Variants in HLA-DMB observed in about 807,000 individuals in gnomAD.
HLA-DMB encodes the protein major histocompatibility complex, class II, DM beta.
A neutral mutation model predicts 29.3 loss-of-function variants in HLA-DMB; 18 were observed. The ratio of observed to expected loss-of-function variants is 0.62; its 90% confidence interval spans 0.43 to 0.91. The LOEUF is 0.91. HLA-DMB is among the 40% of genes least tolerant of loss of function. The pLI is 0.00. For synonymous variants in HLA-DMB, 143 were observed against 128.7 expected (o/e 1.11, Z -0.75); for missense variants, 258 against 320.9 (o/e 0.80, Z 1.50).
intron 2 of HLA-DMB, 94 bp downstream of exon 2, chr6:32,938,590 C>G (rs1335373260): frequency 8.1e-7 from 1 of 1,240,370 alleles, no homozygotes; most frequent in African/African-American, 1.6e-5. Context: ...ATTTGCTGCT[C>G]AAATCTCAAA....
Position 32,937,491 on chromosome 6 carries a change from G to C in HLA-DMB, c.338-35C>G. On this transcript the variant is annotated intron_variant, in intron 2 of 5. Coordinates refer to ENST00000418107, the MANE Select transcript of HLA-DMB (RefSeq NM_002118.5). The surrounding 1 kb of genome is among the most constrained non-coding windows in gnomAD (Gnocchi z 4.1). ...AGAAAAAAACATGTTTAGGAAGGAG[G>C]GTGACATTCTGGCTGCTTCCTCAAC... is the stretch of plus-strand genomic sequence containing the variant. 6.4e-7 allele frequency: 1 copy of C among 1,560,650 alleles called. No homozygotes were observed. Among genetic ancestry groups the C allele is most frequent in the Non-Finnish European group, 8.7e-7 (1 of 1,145,762 alleles).
chr6:32,935,488 CAG>C (rs1775949259), intron 4 of HLA-DMB, 46 bp downstream of exon 4: 3 of 1,541,636 alleles, frequency 1.9e-6, no homozygotes, highest in Non-Finnish European at 2.7e-6. Context: ...AGAAAGTAAG[CAG>C]AGAGTGGGAC....
Position 32,937,235 on chromosome 6 carries a change from C to A in HLA-DMB, c.559G>T (p.Gly187Trp). 1 of 1,613,920 alleles carries A rather than the reference C, an allele frequency of 6.2e-7. No individual in the cohort carries two copies. The highest frequency in any genetic ancestry group is 8.5e-7 in the Non-Finnish European group (1 of 1,179,874). The change falls in exon 3 of 6, where the codon GGG (glycine) becomes TGG (tryptophan). Residue 187 changes from glycine to tryptophan, a missense_variant. Coordinates refer to ENST00000418107, the MANE Select transcript of HLA-DMB (RefSeq NM_002118.5). This position sits in a 1 kb window ranked among gnomAD's most constrained non-coding sequence, Gnocchi z 4.1. The stretch of plus-strand genomic sequence containing the variant: ...TCTACCACACAGGTGTAAGTGTCCC[C>A]GTAAGAGGGGGTTAAGGCTAAATGG... ...LSHLALTPSY[G>W]DTYTCVVEHT... is the part of the protein sequence containing the mutation.
In HLA-DMB at chr6:32,937,463, A is replaced by G; in HGVS notation, c.338-7T>C. On this transcript the variant is annotated splice_polypyrimidine_tract_variant and splice_region_variant and intron_variant, in intron 2 of 5. Coordinates refer to ENST00000418107, the MANE Select transcript of HLA-DMB (RefSeq NM_002118.5). This position sits in a 1 kb window ranked among gnomAD's most constrained non-coding sequence, Gnocchi z 4.1. Reference sequence around the variant, plus strand: ...ACTTGCACAGATGGTGGCCCTGCATAGGAGAAAAAAACATGTTTAGGAAGG... The same window carrying G: ...ACTTGCACAGATGGTGGCCCTGCATGGGAGAAAAAAACATGTTTAGGAAGG... 1 of 1,607,204 alleles carries G rather than the reference A, an allele frequency of 6.2e-7. No homozygotes were observed.
rs886520209 is a variant in HLA-DMB, at chr6:32,934,890, T to C, written c.*81A>G. On this transcript the variant is annotated 3_prime_UTR_variant, in exon 6 of 6. Coordinates refer to ENST00000418107, the MANE Select transcript of HLA-DMB (RefSeq NM_002118.5). Reference sequence around the variant, plus strand: ...AGGATCCAAGATAATGTCAGGGGGTTGAAGATGTTGGAGAGGCATGGTAGC... The same window carrying C: ...AGGATCCAAGATAATGTCAGGGGGTCGAAGATGTTGGAGAGGCATGGTAGC... 7 of 1,301,320 alleles carry C rather than the reference T, an allele frequency of 5.4e-6. No individual in the cohort carries two copies. The African/African-American group carries it at 1.0e-4, about 19-fold the overall frequency. The allele number at this position is 1,301,320 out of a possible 1,614,324, so 80.6% of individuals were successfully genotyped here. A position where few individuals can be genotyped will look rare whatever the true frequency, so the allele number is the denominator to read the frequency against.
rs1776092065 is a variant in HLA-DMB, at chr6:32,937,696, T to G, written c.338-240A>C. ...TTCCTCCTCCAGAATTATGTTTGAT[T>G]ACAATTAGTAAAAGCCAGATCTGAA... is the stretch of plus-strand genomic sequence containing the variant. On this transcript the variant is annotated intron_variant, in intron 2 of 5. Coordinates refer to ENST00000418107, the MANE Select transcript of HLA-DMB (RefSeq NM_002118.5). This position sits in a 1 kb window ranked among gnomAD's most constrained non-coding sequence, Gnocchi z 4.1. 1 of 558,412 alleles carries G rather than the reference T, an allele frequency of 1.8e-6. No individual in the cohort carries two copies. Among genetic ancestry groups the G allele is most frequent in the Non-Finnish European group, 3.2e-6 (1 of 315,718 alleles). 34.6% of individuals were successfully genotyped at this position (558,412 alleles called of 1,614,324 possible).
Position 32,938,980 on chromosome 6 carries a change from G to GT in HLA-DMB, c.56-16_56-15insA. 6.7e-7 allele frequency: 1 copy of GT among 1,482,326 alleles called. No homozygotes were observed. Among genetic ancestry groups the GT allele is most frequent in the Non-Finnish European group, 9.0e-7 (1 of 1,110,806 alleles). 91.8% of individuals were successfully genotyped at this position (1,482,326 alleles called of 1,614,324 possible). A position where few individuals can be genotyped will look rare whatever the true frequency, so the allele number is the denominator to read the frequency against. ...CACGAAGCCACCTAGAGGAGCCAGG[G>GT]AAGGGAGAACAGGTCAATGTCTTCT... On this transcript the variant is annotated splice_polypyrimidine_tract_variant and intron_variant, in intron 1 of 5. Transcript: ENST00000418107.
rs375089997 is a variant in HLA-DMB at position 32,937,511 on chromosome 6, C to A, written c.338-55G>T. The A allele has an allele frequency of 1.3e-6, 2 of 1,542,432 alleles. No individual in the cohort carries two copies. The highest frequency in any genetic ancestry group is 1.8e-6 in the Non-Finnish European group (2 of 1,131,500). On this transcript the variant is annotated intron_variant, in intron 2 of 5. Transcript: ENST00000418107. The surrounding 1 kb of genome is among the most constrained non-coding windows in gnomAD (Gnocchi z 4.1). The stretch of plus-strand genomic sequence containing the variant: ...AGGAGGGTGACATTCTGGCTGCTTC[C>A]TCAACCTGGTTTCTTCCCTATCGCA...
At position 32,935,519 on chromosome 6, in the gene HLA-DMB, T is replaced by G. The variant is rs184737226; in HGVS notation, c.739+17A>C. ...GTGGGACCAAGAGTGGGGATGGGAG[T>G]TCAGCGAGTCACTCACTAGAGTGGC... On this transcript the variant is annotated intron_variant, in intron 4 of 5. Transcript: ENST00000418107. The G allele has an allele frequency of 4.9e-3, 7,779 of 1,594,232 alleles. 283 individuals are homozygous for G. In the South Asian group the frequency reaches 0.056, roughly 11 times the overall value.
In HLA-DMB at chr6:32,937,489, A is replaced by T; in HGVS notation, c.338-33T>A. ...GGAGAAAAAAACATGTTTAGGAAGG[A>T]GGGTGACATTCTGGCTGCTTCCTCA... On this transcript the variant is annotated intron_variant, in intron 2 of 5. Coordinates refer to ENST00000418107, the MANE Select transcript of HLA-DMB (RefSeq NM_002118.5). This position sits in a 1 kb window ranked among gnomAD's most constrained non-coding sequence, Gnocchi z 4.1. 1 of 1,588,032 alleles carries T rather than the reference A, an allele frequency of 6.3e-7. No individual in the cohort carries two copies. Among genetic ancestry groups the T allele is most frequent in the Non-Finnish European group, 8.6e-7 (1 of 1,163,456 alleles).
intron 1 of HLA-DMB, 91 bp from the exon 2 acceptor site, chr6:32,939,056 T>C: frequency 1.2e-6 from 1 of 806,322 alleles, no homozygotes; most frequent in Non-Finnish European, 1.7e-6. Flanking sequence ...TATACACAAA[T>C]AATAAATATA....
chr6:32,936,651 G>A (rs1417396732), intron 3 of HLA-DMB: 1 of 152,690 alleles, frequency 6.5e-6, no homozygotes, highest in Non-Finnish European at 1.5e-5. Context: ...CCGTATGCTT[G>A]GTAGAGCAGG....
At chr6:32,940,646 C>A in intron 1 of HLA-DMB, 107 bp downstream of exon 1, 1 of 736,422 alleles carries the variant, frequency 1.4e-6, no homozygotes, top group South Asian at 1.7e-5. Flanking sequence ...GGAATGTATA[C>A]CAGGGAGACA....
In HLA-DMB at chr6:32,937,760, T is replaced by A; in HGVS notation, c.338-304A>T. ...TAGAAGTTGTTGTATTTATTTCAAG[T>A]ACATAAACTGGAAAGTATTTGAAAT... On this transcript the variant is annotated intron_variant, in intron 2 of 5. Transcript: ENST00000418107. This position sits in a 1 kb window ranked among gnomAD's most constrained non-coding sequence, Gnocchi z 4.1. The A allele has an allele frequency of 2.6e-6, 1 of 387,044 alleles. No individual in the cohort carries two copies. The highest frequency in any genetic ancestry group is 6.1e-5 in the South Asian group (1 of 16,478). The allele number at this position is 387,044 out of a possible 1,614,324, so 24.0% of individuals were successfully genotyped here.
chr6:32,935,217 C>T, intron 5 of HLA-DMB, 125 bp downstream of exon 5: 1 of 899,398 alleles, frequency 1.1e-6, no homozygotes, highest in Non-Finnish European at 1.8e-6. Flanking sequence ...AAATCATGCC[C>T]TTGCCTAGAT....
In HLA-DMB at chr6:32,937,462, T is replaced by A. The variant is rs1348602935; in HGVS notation, c.338-6A>T. ...TACTTGCACAGATGGTGGCCCTGCA[T>A]AGGAGAAAAAAACATGTTTAGGAAG... On this transcript the variant is annotated splice_polypyrimidine_tract_variant and splice_region_variant and intron_variant, in intron 2 of 5. Transcript: ENST00000418107. The surrounding 1 kb of genome is among the most constrained non-coding windows in gnomAD (Gnocchi z 4.1). The A allele has an allele frequency of 6.2e-7, 1 of 1,607,672 alleles. No homozygotes were observed.
At chr6:32,935,448 G>A (rs1401777433) in intron 4 of HLA-DMB, 71 bp from the exon 5 acceptor site, 3 of 1,500,730 alleles carry the variant, frequency 2.0e-6, no homozygotes, top group Non-Finnish European at 2.8e-6. Flanking sequence ...CATAGCAAAT[G>A]CAGTAGGAAG....
At position 32,938,898 on chromosome 6, in the gene HLA-DMB, T is replaced by A. The variant is rs189147441; in HGVS notation, c.123A>T (p.Thr41=). 3 of 1,610,900 alleles carry A rather than the reference T, an allele frequency of 1.9e-6. No homozygotes were observed. In the East Asian group the frequency reaches 6.7e-5, roughly 36 times the overall value. The change falls in exon 2 of 6, where the codon ACA becomes ACT. Residue 41 remains threonine, a synonymous_variant. Transcript: ENST00000418107. ...GATCCTTGTTGAAGGAGATGCAGTA[T>A]GTGAAATCCTTTGGAGTCCCAGCAT... ...LDDAGTPKDF[T]YCISFNKDLL...
intron 2 of HLA-DMB, chr6:32,938,417 A>C (rs537156533): frequency 1.4e-4 from 54 of 388,460 alleles, no homozygotes; most frequent in African/African-American, 1.1e-3. Flanking sequence ...TTGGGTATGC[A>C]TCCTGAGATG....
Sources: gnomAD v4.1 joint callset for allele counts on GRCh38, gnomAD v4.1.1 for gene constraint, Gnocchi (gnomAD v3.1) non-coding constraint, MANE v1.5 for transcripts, NCBI Gene and HGNC (gene_info 2026-07-23, HGNC 2026-07-21) for gene names.